Variants in PNLIPRP3 observed in about 807,000 individuals in gnomAD.
PNLIPRP3 encodes pancreatic lipase-related protein 3.
Under a neutral mutation model 52.8 loss-of-function variants are expected in PNLIPRP3, and 58 were observed. That is an observed-to-expected ratio of 1.10 (90% confidence interval 0.89 to 1.37). The LOEUF is 1.37. Among genes scored for constraint, PNLIPRP3 ranks in the 40% most tolerant of loss-of-function variants. The pLI, the probability that PNLIPRP3 is intolerant of heterozygous loss-of-function variation, is 0.00. For missense variants in PNLIPRP3, 593 were observed against 561.6 expected (o/e 1.06, Z -0.57); for synonymous variants, 192 against 185.0 (o/e 1.04, Z -0.31).
intron 1 of PNLIPRP3, among the ~76,000 whole-genome samples, chr10:116,428,630 C>T (rs1226310368): frequency 6.6e-6 from 1 of 152,060 alleles, no homozygotes; most frequent in African/African-American, 2.4e-5. Context: ...ACTCAGTATT[C>T]ATTGACATGT....
chr10:116,433,821 C>A (rs963672287), intron 1 of PNLIPRP3, among the ~76,000 whole-genome samples: 1 of 150,844 alleles, frequency 6.6e-6, no homozygotes, highest in African/African-American at 2.5e-5. Context: ...CTAGGCCCAA[C>A]CTAAAACCAC....
intron 8 of PNLIPRP3, 99 bp from the exon 9 acceptor site, chr10:116,469,086 A>C: frequency 8.3e-7 from 1 of 1,204,166 alleles, no homozygotes; most frequent in Non-Finnish European, 1.1e-6. Context: ...CTTTATTTAG[A>C]TCCTGGAGAT....
At chr10:116,455,054 T>C (rs1846091362) in intron 4 of PNLIPRP3, among the ~76,000 whole-genome samples, 1 of 152,262 alleles carries the variant, frequency 6.6e-6, no homozygotes, top group Non-Finnish European at 1.5e-5. Flanking sequence ...TCTTGTTTAA[T>C]TTATAAGAGA....
Position 116,477,329 on chromosome 10 carries a change from C to T in PNLIPRP3, c.*176C>T, listed in dbSNP as rs771764185. ...TCTGTGTAGAATGTTCATCTAACTG[C>T]ACCTTAAAAACACACTGAACCCTGG... On this transcript the variant is annotated 3_prime_UTR_variant, in exon 12 of 12. Transcript: ENST00000369230. 164 of 466,524 alleles carry T rather than the reference C, an allele frequency of 3.5e-4. No individual in the cohort carries two copies. Among genetic ancestry groups the T allele is most frequent in the Middle Eastern group, 4.2e-4 (1 of 2,364 alleles). The allele number at this position is 466,524 out of a possible 1,614,324, so 28.9% of individuals were successfully genotyped here. A position where few individuals can be genotyped will look rare whatever the true frequency, so the allele number is the denominator to read the frequency against.
chr10:116,444,632 TA>T (rs879527125), intron 4 of PNLIPRP3, 119 bp downstream of exon 4: 1 of 1,035,352 alleles, frequency 9.7e-7, no homozygotes, highest in African/African-American at 1.6e-5. Context: ...ACATGTGAAA[TA>T]ATAAGCATTT....
intron 1 of PNLIPRP3, among the ~76,000 whole-genome samples, chr10:116,434,490 C>T (rs1845749850): frequency 6.6e-6 from 1 of 152,160 alleles, no homozygotes; most frequent in African/African-American, 2.4e-5. Flanking sequence ...ATCTTTCAAT[C>T]TTTTCTTAAG....
intron 8 of PNLIPRP3, among the ~76,000 whole-genome samples, chr10:116,467,169 A>C (rs1846293244): frequency 6.6e-6 from 1 of 152,204 alleles, no homozygotes; most frequent in Non-Finnish European, 1.5e-5. Flanking sequence ...TTGTGGTTAC[A>C]AACTATTAGA....
chr10:116,455,854 C>T, intron 5 of PNLIPRP3, 24 bp downstream of exon 5: 3 of 1,548,720 alleles, frequency 1.9e-6, no homozygotes, highest in African/African-American at 1.4e-5. Flanking sequence ...GCAGTTGGGC[C>T]TTGAGTGTGT....
chr10:116,477,045 G>A (rs1404930278), intron 11 of PNLIPRP3, 45 bp from the exon 12 acceptor site: 1 of 1,468,796 alleles, frequency 6.8e-7, no homozygotes, highest in Non-Finnish European at 9.3e-7. Flanking sequence ...TTTCTTCCCT[G>A]GCATCAGGTT....
chr10:116,455,695 A>G, intron 4 of PNLIPRP3, 27 bp from the exon 5 acceptor site: 1 of 1,534,418 alleles, frequency 6.5e-7, no homozygotes, highest in Non-Finnish European at 9.0e-7. Flanking sequence ...TTTTTAAAAT[A>G]CTTATTCTGT....
intron 1 of PNLIPRP3, 136 bp downstream of exon 1, chr10:116,428,197 T>C: frequency 1.6e-6 from 1 of 640,790 alleles, no homozygotes; most frequent in Non-Finnish European, 2.7e-6. Context: ...TTTTTATGAA[T>C]ATGTTTAAAA....
chr10:116,466,171 A>G lies in PNLIPRP3; in HGVS notation c.927+3A>G, dbSNP rs370733241. On this transcript the variant is annotated splice_donor_region_variant and intron_variant, in intron 8 of 11. Transcript: ENST00000369230. ...GATCCTACACATCTTTTAAAGCAGT[A>G]AGTAAATCATCTTACTTGGAATTTA... is the stretch of plus-strand genomic sequence containing the variant. 22 of 1,566,404 alleles carry G rather than the reference A, an allele frequency of 1.4e-5. No individual in the cohort carries two copies. Among genetic ancestry groups the G allele is most frequent in the Non-Finnish European group, 1.8e-5 (20 of 1,141,266 alleles).
In PNLIPRP3 at chr10:116,466,099, T is replaced by C; in HGVS notation, c.858T>C (p.Tyr286=). The change falls in exon 8 of 12, where the codon TAT becomes TAC. Residue 286 remains tyrosine, a synonymous_variant. Transcript: ENST00000369230. ...DCNHARSYQF[Y]AESILNPDAF... ...ACCATGCCCGAAGTTATCAATTTTA[T>C]GCTGAAAGCATTCTTAATCCTGATG... The C allele has an allele frequency of 6.2e-7, 1 of 1,613,942 alleles. No individual in the cohort carries two copies. The highest frequency in any genetic ancestry group is 8.5e-7 in the Non-Finnish European group (1 of 1,179,956).
chr10:116,450,572 T>TA (rs1846019840), intron 4 of PNLIPRP3, among the ~76,000 whole-genome samples: 1 of 151,552 alleles, frequency 6.6e-6, no homozygotes, highest in Non-Finnish European at 1.5e-5. Context: ...TTAGCTAGAC[T>TA]AAAAAAAACT....
chr10:116,443,066 G>A lies in PNLIPRP3; in HGVS notation c.216G>A (p.Ala72=), dbSNP rs1054480837. 90 of 1,592,932 alleles carry A rather than the reference G, an allele frequency of 5.6e-5. No individual in the cohort carries two copies. The highest frequency in any genetic ancestry group is 1.7e-4 in the Middle Eastern group (1 of 5,992). The stretch of plus-strand genomic sequence containing the variant: ...TCTGCTTGAAACAGGAGATCAGTGC[G>A]GTTAATTCTTCAACTATCCAAGCCT... ...HNPNAYQEIS[A]VNSSTIQASY... is the part of the protein sequence containing the mutation. Residue 72 remains alanine, a synonymous_variant, in exon 3 of 12, where the codon GCG becomes GCA. Coordinates refer to ENST00000369230, the MANE Select transcript of PNLIPRP3 (RefSeq NM_001011709.3).
intron 8 of PNLIPRP3, among the ~76,000 whole-genome samples, chr10:116,468,493 G>A (rs1846315883): frequency 6.6e-6 from 1 of 152,134 alleles, no homozygotes; most frequent in Non-Finnish European, 1.5e-5. Context: ...ATCAGCTGTA[G>A]ACAAATCAAC....
At chr10:116,461,139 G>A (rs894369343) in intron 6 of PNLIPRP3, 29 bp from the exon 7 acceptor site, 2 of 1,614,000 alleles carry the variant, frequency 1.2e-6, no homozygotes, top group African/African-American at 2.7e-5. Flanking sequence ...GATTTTTAGA[G>A]GCATTTACCC....
At chr10:116,438,916 G>T (rs937034005) in intron 2 of PNLIPRP3, among the ~76,000 whole-genome samples, 1 of 152,170 alleles carries the variant, frequency 6.6e-6, no homozygotes, top group African/African-American at 2.4e-5. Context: ...TTAAAAAGAA[G>T]TGAAATGCCA....
At chr10:116,442,007 A>G (rs1159131004) in intron 2 of PNLIPRP3, among the ~76,000 whole-genome samples, 1 of 152,208 alleles carries the variant, frequency 6.6e-6, no homozygotes, top group South Asian at 2.1e-4. Context: ...GATTAATTGC[A>G]TTACTATTAA....
Sources: allele counts gnomAD v4.1 joint callset (sites outside exome capture counted in the v4.1 genomes callset), GRCh38; gene constraint gnomAD v4.1.1; transcripts MANE v1.5; gene names NCBI Gene and HGNC (gene_info 2026-07-23, HGNC 2026-07-21).